The following JARID2 variants were observed in gnomAD, a reference collection of about 807,000 sequenced individuals.
The protein encoded by JARID2 is jumonji and AT-rich interaction domain containing 2, also known as protein Jumonji.
JARID2 carries 21 observed loss-of-function variants against 125.6 expected under a neutral mutation model. The ratio of observed to expected loss-of-function variants is 0.17; its 90% CI spans 0.12 to 0.24. The LOEUF (loss-of-function observed/expected upper bound fraction) is 0.24, where lower values mean the gene tolerates loss of function less well. Among genes scored for constraint, JARID2 ranks in the 10% least tolerant of loss-of-function variants. The probability of loss-of-function intolerance (pLI) is 1.00; values close to 1 mark genes in which losing one functional copy is unlikely to be tolerated. For synonymous variants in JARID2, 736 were observed against 661.6 expected (o/e 1.11, Z -1.73); for missense variants, 1,303 against 1,639.6 (o/e 0.79, Z 3.55).
rs1581669478 is a variant in JARID2 at position 15,513,106 on chromosome 6, C to T, written c.3266+61C>T. On this transcript the variant is annotated intron_variant, in intron 15 of 17. Coordinates refer to ENST00000341776, the MANE Select transcript of JARID2 (RefSeq NM_004973.4). ...ACCCGGCTGCCCTTCGGGGGCTCAC[C>T]CCCCGAGCAGGCCTCACTTCCTGAC... The T allele has an allele frequency of 2.5e-6, 4 of 1,608,490 alleles. No individual in the cohort carries two copies. In the East Asian group the frequency reaches 6.7e-5, roughly 27 times the overall value.
At chr6:15,283,265 A>C (rs1430753844) in intron 1 of JARID2, among the ~76,000 whole-genome samples, 1 of 149,630 alleles carries the variant, frequency 6.7e-6, no homozygotes, top group Admixed American at 6.7e-5. Context: ...GGTGTGAGCC[A>C]CTGCGCCCGG....
chr6:15,443,293 G>C (rs909565838), intron 3 of JARID2, among the ~76,000 whole-genome samples: 3 of 152,162 alleles, frequency 2.0e-5, no homozygotes, highest in Non-Finnish European at 4.4e-5. Context: ...GCGTTCCTAA[G>C]GGTGACTCAC....
At chr6:15,432,856 T>G (rs1056630641) in intron 3 of JARID2, among the ~76,000 whole-genome samples, 1 of 152,324 alleles carries the variant, frequency 6.6e-6, no homozygotes, top group East Asian at 1.9e-4. Context: ...CTCTGTTTCC[T>G]TGTCTGATAA....
At chr6:15,427,486 C>T (rs1937683575) in intron 3 of JARID2, among the ~76,000 whole-genome samples, 1 of 152,058 alleles carries the variant, frequency 6.6e-6, no homozygotes, top group African/African-American at 2.4e-5. Flanking sequence ...CACTTCCACC[C>T]CCCATGTAAA....
At chr6:15,490,128 AAAAGC>A (rs1158251906) in intron 6 of JARID2, among the ~76,000 whole-genome samples, 1 of 152,058 alleles carries the variant, frequency 6.6e-6, no homozygotes, top group East Asian at 1.9e-4. Context: ...TAAGGTCAGT[AAAAGC>A]AAATTGTAGA....
chr6:15,300,647 A>T (rs1761574045), intron 1 of JARID2, among the ~76,000 whole-genome samples: 1 of 150,686 alleles, frequency 6.6e-6, no homozygotes, highest in Admixed American at 6.6e-5. Context: ...CTTACTGGAC[A>T]GTAGAACCTG....
intron 2 of JARID2, among the ~76,000 whole-genome samples, chr6:15,390,368 C>T (rs767510036): frequency 3.3e-5 from 5 of 152,108 alleles, no homozygotes; most frequent in Non-Finnish European, 7.3e-5. Flanking sequence ...CGTTCATCGC[C>T]GCACTGCCGC....
Position 15,425,850 on chromosome 6 carries a change from G to A in JARID2, c.323+15485G>A, listed in dbSNP as rs141210439. 5.1e-3 allele frequency among the ~76,000 whole-genome samples: 774 copies of A among 152,290 alleles called. 3 individuals carry two copies. The highest frequency in any genetic ancestry group is 6.8e-3 in the Non-Finnish European group (464 of 68,034). The stretch of plus-strand genomic sequence containing the variant: ...CAAGCAGAGTGACTAGGGAAATTGC[G>A]GCAGCTTCAATATGGTCATGTGTGC... On this transcript the variant is annotated intron_variant, in intron 3 of 17. Coordinates refer to ENST00000341776, the MANE Select transcript of JARID2 (RefSeq NM_004973.4).
At chr6:15,361,677 CTTCA>C (rs1207253809) in intron 1 of JARID2, among the ~76,000 whole-genome samples, 2 of 151,732 alleles carry the variant, frequency 1.3e-5, no homozygotes, top group African/African-American at 4.8e-5. Context: ...GTGTGAATTT[CTTCA>C]TTAAACCCCC....
intron 1 of JARID2, among the ~76,000 whole-genome samples, chr6:15,257,225 G>T (rs76197045): frequency 5.3e-5 from 8 of 152,104 alleles, no homozygotes; most frequent in Non-Finnish European, 1.0e-4. Context: ...TAAAATCCAC[G>T]TGTAATCCCC....
rs767716300 is a variant in JARID2 at position 15,513,032 on chromosome 6, C to T, written c.3253C>T (p.Leu1085=). 1 of 1,614,110 alleles carries T rather than the reference C, an allele frequency of 6.2e-7. No homozygotes were observed. Among genetic ancestry groups the T allele is most frequent in the Non-Finnish European group, 8.5e-7 (1 of 1,180,016 alleles). ...GPTLSTISAL[L]DELRDTELRQ... is the part of the protein sequence containing the mutation. ...CACTCTCAGTACCATCTCAGCCCTC[C>T]TGGATGAGCTCAGGTAACAGACCCC... Residue 1085 remains leucine, a synonymous_variant, in exon 15 of 18, where the codon CTG becomes TTG. Transcript: ENST00000341776.
chr6:15,267,446 C>T (rs1166908984), intron 1 of JARID2, among the ~76,000 whole-genome samples: 3 of 152,088 alleles, frequency 2.0e-5, no homozygotes, highest in Admixed American at 6.6e-5. Context: ...AGGAGGGAAC[C>T]GATACCTTCT....
At chr6:15,281,598 G>C (rs1308975958) in intron 1 of JARID2, among the ~76,000 whole-genome samples, 1 of 152,186 alleles carries the variant, frequency 6.6e-6, no homozygotes, top group Non-Finnish European at 1.5e-5. Flanking sequence ...CACTTCACTT[G>C]GGGCCTATTT....
intron 1 of JARID2, among the ~76,000 whole-genome samples, chr6:15,328,875 T>C (rs1762616527): frequency 6.6e-6 from 1 of 152,240 alleles, no homozygotes; most frequent in African/African-American, 2.4e-5. Context: ...TCCTTAGATG[T>C]CTAGCTGCTG....
chr6:15,520,692 C>CAG lies in JARID2; in HGVS notation c.*442_*443insGA, dbSNP rs964679310. On this transcript the variant is annotated 3_prime_UTR_variant, in exon 18 of 18. Transcript: ENST00000341776. The stretch of plus-strand genomic sequence containing the variant: ...AGAAGGGATAGGAGACACACGCGCA[C>CAG]ACACACACACACACGAAACTTGAAA... The CAG allele has an allele frequency of 4.6e-6, 2 of 439,244 alleles. No homozygotes were observed. The highest frequency in any genetic ancestry group is 4.1e-5 in the African/African-American group (2 of 49,248). 27.2% of individuals were successfully genotyped at this position (439,244 alleles called of 1,614,324 possible).
intron 4 of JARID2, among the ~76,000 whole-genome samples, chr6:15,468,030 G>T (rs1297997431): frequency 2.0e-5 from 3 of 152,010 alleles, no homozygotes; most frequent in African/African-American, 4.8e-5. Context: ...ACCTAATCAG[G>T]ACATCAAAGT....
intron 2 of JARID2, 37 bp downstream of exon 2, chr6:15,374,289 A>G (rs772594744): frequency 6.2e-6 from 10 of 1,606,614 alleles, no homozygotes; most frequent in Admixed American, 1.7e-5. Context: ...TGGAATGTAC[A>G]ATATCTCTGG....
chr6:15,261,308 CTTCTTTTTTTT>C lies in JARID2; in HGVS notation c.45+14727_45+14737del, dbSNP rs1759863829. Among the ~76,000 whole-genome samples, 4 of 119,036 alleles carry C rather than the reference CTTCTTTTTTTT, an allele frequency of 3.4e-5. No individual in the cohort carries two copies. The South Asian group carries it at 1.1e-3, about 34-fold the overall frequency. The allele number at this position is 119,036 out of a possible 152,430, so 78.1% of individuals were successfully genotyped here. On this transcript the variant is annotated intron_variant, in intron 1 of 17. Transcript: ENST00000341776. Reference sequence around the variant, plus strand: ...GCCTTGGATGGTGTTTTTTCTTCTTCTTCTTTTTTTTTTTTTTTTTTTTTGAGACGGAGTCT... The same window carrying C: ...GCCTTGGATGGTGTTTTTTCTTCTTCTTTTTTTTTTTTTGAGACGGAGTCT...
chr6:15,497,269 C>A, intron 7 of JARID2, 99 bp downstream of exon 7: 1 of 937,100 alleles, frequency 1.1e-6, no homozygotes, highest in Non-Finnish European at 1.6e-6. Context: ...CTTGCGAAAG[C>A]TCCAGTTCCG....
Sources: allele counts gnomAD v4.1 joint callset (sites outside exome capture counted in the v4.1 genomes callset), GRCh38; gene constraint gnomAD v4.1.1; transcripts MANE v1.5; gene names NCBI Gene and HGNC (gene_info 2026-07-23, HGNC 2026-07-21).